Variants in ZC4H2 observed in about 807,000 individuals in gnomAD.
The protein encoded by ZC4H2 is zinc finger C4H2-type containing.
For synonymous variants in ZC4H2, 84 were observed against 66.3 expected, an observed-to-expected ratio of 1.27 and a Z score of -1.30; for missense variants, 137 against 173.9, an observed-to-expected ratio of 0.79 and a Z score of 1.19.
chrX:64,968,268 G>A (rs1271414873), intron 1 of ZC4H2, among the ~76,000 whole-genome samples: 2 of 111,776 alleles, frequency 1.8e-5, no homozygotes, highest in Non-Finnish European at 3.8e-5. Context: ...GAGGCTGAGA[G>A]AAGTAAAGTG....
chrX:64,989,594 C>A (rs763364305), intron 1 of ZC4H2, among the ~76,000 whole-genome samples: 1 of 111,979 alleles, frequency 8.9e-6, no homozygotes, highest in Non-Finnish European at 1.9e-5. Flanking sequence ...GATGAAAAGA[C>A]AAGGTATACA....
chrX:64,965,613 T>A (rs1057263863), intron 1 of ZC4H2: 8 of 252,708 alleles, frequency 3.2e-5, no homozygotes, highest in Non-Finnish European at 2.9e-5. Flanking sequence ...CCATAAAAAA[T>A]ACTGATAAAT....
At position 64,916,229 on chromosome X, in the gene ZC4H2, A is replaced by G. The variant is rs186035120; in HGVS notation, c.*1554T>C. On this transcript the variant is annotated 3_prime_UTR_variant, in exon 5 of 5. Coordinates refer to ENST00000374839, the MANE Select transcript of ZC4H2 (RefSeq NM_018684.4). ...TTTTGGAAGTCAAATACAATCATTTATATTAAGCAACTTGCATAGGTACCT... is the reference window on the plus strand; with the variant it reads ...TTTTGGAAGTCAAATACAATCATTTGTATTAAGCAACTTGCATAGGTACCT... 2.8e-4 allele frequency: 31 copies of G among 111,581 alleles called. No individual in the cohort carries two copies. In the East Asian group the frequency reaches 7.9e-3, roughly 28 times the overall value. The allele number at this position is 111,581 out of a possible 1,213,427, so 9.2% of individuals were successfully genotyped here.
intron 1 of ZC4H2, among the ~76,000 whole-genome samples, chrX:65,007,394 A>G (rs1156392144): frequency 8.9e-6 from 1 of 111,941 alleles, no homozygotes; most frequent in Non-Finnish European, 1.9e-5. Context: ...ATTGTTGTAG[A>G]CTGTCTCTAT....
At chrX:65,001,417 C>T (rs917917504) in intron 1 of ZC4H2, among the ~76,000 whole-genome samples, 1 of 111,786 alleles carries the variant, frequency 8.9e-6, no homozygotes, top group Non-Finnish European at 1.9e-5. Flanking sequence ...CACTACTAGG[C>T]CTGCCTTACA....
At position 64,976,318 on chromosome X, in the gene ZC4H2, C is replaced by A; in HGVS notation, c.53+7G>T. On this transcript the variant is annotated splice_region_variant and intron_variant, in intron 1 of 4. Transcript: ENST00000374839. ...AGGGGCGGGGAGGGGGACAACGTGCCACTTACCTGATCTCTTTAATGCTTT... is the reference window on the plus strand; with the variant it reads ...AGGGGCGGGGAGGGGGACAACGTGCAACTTACCTGATCTCTTTAATGCTTT... 8.3e-7 allele frequency: 1 copy of A among 1,211,033 alleles called. No homozygotes were observed. The highest frequency in any genetic ancestry group is 1.1e-6 in the Non-Finnish European group (1 of 894,806).
At chrX:64,956,740 C>G (rs905855812) in intron 1 of ZC4H2, among the ~76,000 whole-genome samples, 3 of 112,086 alleles carry the variant, frequency 2.7e-5, no homozygotes, top group Non-Finnish European at 5.6e-5. Flanking sequence ...CATAATCAAA[C>G]TAAGACTTTA....
intron 1 of ZC4H2, among the ~76,000 whole-genome samples, chrX:64,974,361 T>G (rs1171274366): frequency 8.9e-6 from 1 of 112,480 alleles, no homozygotes; most frequent in Non-Finnish European, 1.9e-5. Flanking sequence ...CTCACTGAAA[T>G]GTTTTTAGGA....
chrX:64,960,294 T>G (rs1190252360), intron 1 of ZC4H2, among the ~76,000 whole-genome samples: 3 of 110,501 alleles, frequency 2.7e-5, no homozygotes, highest in Non-Finnish European at 5.7e-5. Flanking sequence ...AGAACTCTAT[T>G]GCAATAGCAC....
chrX:65,002,155 C>T (rs1932550403), intron 1 of ZC4H2, among the ~76,000 whole-genome samples: 1 of 112,094 alleles, frequency 8.9e-6, no homozygotes, highest in Non-Finnish European at 1.9e-5. Context: ...CTCACCAACA[C>T]AACACAACAC....
rs1368142733 is a variant in ZC4H2 at position 64,934,499 on chromosome X, A to C, written c.54-12511T>G. ...TTTGATGCCTGTGGGGTCTGCAGCA[A>C]TATCCTCTATTTCATTCCTGATATC... is the stretch of plus-strand genomic sequence containing the variant. On this transcript the variant is annotated intron_variant, in intron 1 of 4. Transcript: ENST00000374839. Among the ~76,000 whole-genome samples the C allele has an allele frequency of 4.5e-5, 5 of 112,137 alleles. No homozygotes were observed. The East Asian group carries it at 1.4e-3, about 31-fold the overall frequency.
intron 1 of ZC4H2, among the ~76,000 whole-genome samples, chrX:64,965,809 C>T (rs766972858): frequency 9.2e-6 from 1 of 109,278 alleles, no homozygotes; most frequent in South Asian, 4.0e-4. Context: ...CATGGTGGCA[C>T]AAGCCTGTAG....
chrX:64,928,682 TTCC>T (rs1161760655), intron 1 of ZC4H2, among the ~76,000 whole-genome samples: 9 of 91,941 alleles, frequency 9.8e-5, no homozygotes, highest in South Asian at 5.6e-4. Context: ...CTTCTTCTTC[TTCC>T]TCCTCCTCTT....
intron 4 of ZC4H2, 42 bp from the exon 5 acceptor site, chrX:64,917,938 C>T (rs1332004900): frequency 5.1e-6 from 6 of 1,172,218 alleles, no homozygotes; most frequent in Non-Finnish European, 6.9e-6. Context: ...TAGTCAGATT[C>T]TTCCAGGCAA....
In ZC4H2 at chrX:64,920,258, A is replaced by T; in HGVS notation, c.226-5T>A. On this transcript the variant is annotated splice_polypyrimidine_tract_variant and splice_region_variant and intron_variant, in intron 2 of 4. Coordinates refer to ENST00000374839, the MANE Select transcript of ZC4H2 (RefSeq NM_018684.4). Reference sequence around the variant, plus strand: ...TTGTTTGATAGTGTTTTCCATCTGGAACATAGAGTGGGATAGGCACAGAGA... The same window carrying T: ...TTGTTTGATAGTGTTTTCCATCTGGTACATAGAGTGGGATAGGCACAGAGA... 1 of 1,208,558 alleles carries T rather than the reference A, an allele frequency of 8.3e-7. No homozygotes were observed. Among genetic ancestry groups the T allele is most frequent in the Non-Finnish European group, 1.1e-6 (1 of 894,057 alleles).
At chrX:64,927,569 G>T (rs901239416) in intron 1 of ZC4H2, among the ~76,000 whole-genome samples, 5 of 111,915 alleles carry the variant, frequency 4.5e-5, no homozygotes, top group Non-Finnish European at 7.5e-5. Flanking sequence ...CTTTGCTATT[G>T]TGAACTGTGT....
At chrX:64,937,217 A>C (rs1930055210) in intron 1 of ZC4H2, among the ~76,000 whole-genome samples, 1 of 111,623 alleles carries the variant, frequency 9.0e-6, no homozygotes, top group African/African-American at 3.3e-5. Flanking sequence ...TAGAGGGATC[A>C]ATGCAACAAG....
At chrX:64,936,628 TA>T (rs1219423886) in intron 1 of ZC4H2, among the ~76,000 whole-genome samples, 1 of 111,187 alleles carries the variant, frequency 9.0e-6, no homozygotes, top group Non-Finnish European at 1.9e-5. Context: ...TCAACATTTT[TA>T]AAGAAAAGAA....
At chrX:64,960,889 A>G (rs760516808) in intron 1 of ZC4H2, among the ~76,000 whole-genome samples, 2 of 111,463 alleles carry the variant, frequency 1.8e-5, no homozygotes, top group Non-Finnish European at 3.8e-5. Flanking sequence ...TATCCTGGAG[A>G]ATGTTCTGTG....
Sources: allele counts gnomAD v4.1 joint callset (sites outside exome capture counted in the v4.1 genomes callset), GRCh38; gene constraint gnomAD v4.1.1; transcripts MANE v1.5; gene names NCBI Gene and HGNC (gene_info 2026-07-23, HGNC 2026-07-21).